Variants in CD70 observed in about 807,000 individuals in gnomAD.
CD70 encodes the protein CD70 antigen.
CD70 carries 6 observed loss-of-function variants against 9.0 expected under a neutral mutation model. That is an observed-to-expected ratio of 0.67 (90% CI 0.37 to 1.32). The LOEUF is 1.32. Ranked by LOEUF, CD70 falls within the 40% of genes most tolerant of loss-of-function variation. The pLI is 0.02. For synonymous variants in CD70, 108 were observed against 112.3 expected, an observed-to-expected ratio of 0.96 and a Z score of 0.24; for missense variants, 235 against 258.7, an observed-to-expected ratio of 0.91 and a Z score of 0.63.
chr19:6,582,807 A>G (rs12459293), downstream of CD70, among the ~76,000 whole-genome samples: 3,725 of 152,268 alleles, frequency 0.024, 153 homozygotes, highest in Admixed American at 0.12. Context: ...TATTGTGAAT[A>G]GTCAGGCAGT....
Position 6,590,017 on chromosome 19 carries a change from G to A in CD70, c.196+86C>T. The stretch of plus-strand genomic sequence containing the variant: ...TCTCTGTCTGTGTCTCTTTCTCTCT[G>A]TCTCTCCCCACTTGTCTTTCTACCT... On this transcript the variant is annotated intron_variant, in intron 2 of 2. Coordinates refer to ENST00000245903, the MANE Select transcript of CD70 (RefSeq NM_001252.5). The surrounding 1 kb of genome is among the most constrained non-coding windows in gnomAD (Gnocchi z 5.3). 1 of 1,054,606 alleles carries A rather than the reference G, an allele frequency of 9.5e-7. No individual in the cohort carries two copies. The highest frequency in any genetic ancestry group is 1.4e-6 in the Non-Finnish European group (1 of 704,076). The allele number at this position is 1,054,606 out of a possible 1,614,324, so 65.3% of individuals were successfully genotyped here.
chr19:6,583,570 T>G (rs1459391313), downstream of CD70: 1 of 402,876 alleles, frequency 2.5e-6, no homozygotes, highest in Non-Finnish European at 4.3e-6. Context: ...TTTTTTTTTT[T>G]TTTTTTTAAA....
rs1239080528 is a variant in CD70, at chr19:6,586,242, G to A, written c.360C>T (p.Ala120=). Residue 120 remains alanine (A), a synonymous_variant, in exon 3 of 3, where the codon GCC becomes GCT. Coordinates refer to ENST00000245903, the MANE Select transcript of CD70 (RefSeq NM_001252.5). The part of the protein sequence containing the change: ...VTLAICSSTT[A]SRHHPTTLAV... ...CCAGGGTGGTGGGGTGGTGCCTGGA[G>A]GCCGTCGTGGAGGAGCAGATGGCCA... 1 of 1,614,036 alleles carries A rather than the reference G, an allele frequency of 6.2e-7. No individual in the cohort carries two copies. The highest frequency in any genetic ancestry group is 8.5e-7 in the Non-Finnish European group (1 of 1,180,012).
At chr19:6,586,922 A>AAAAC (rs1555765965) in intron 2 of CD70, among the ~76,000 whole-genome samples, 4 of 140,354 alleles carry the variant, frequency 2.8e-5, no homozygotes, top group Admixed American at 7.1e-5. Context: ...AAAAAAAAAA[A>AAAAC]CAGAAACAGA....
chr19:6,585,888 T>C lies in CD70; in HGVS notation c.*132A>G. On this transcript the variant is annotated 3_prime_UTR_variant, in exon 3 of 3. Coordinates refer to ENST00000245903, the MANE Select transcript of CD70 (RefSeq NM_001252.5). ...AAATGAAAGAAAAAGCTCAATGCCT[T>C]CTCTTGTCCTGCCACCACTACCCCC... 1 of 620,768 alleles carries C rather than the reference T, an allele frequency of 1.6e-6. No individual in the cohort carries two copies. The highest frequency in any genetic ancestry group is 2.8e-6 in the Non-Finnish European group (1 of 360,276). 38.5% of individuals were successfully genotyped at this position (620,768 alleles called of 1,614,324 possible). A position where few individuals can be genotyped will look rare whatever the true frequency, so the allele number is the denominator to read the frequency against.
chr19:6,591,008 C>T lies in CD70; in HGVS notation c.-6G>A. On this transcript the variant is annotated 5_prime_UTR_variant, in exon 1 of 3. Coordinates refer to ENST00000245903, the MANE Select transcript of CD70 (RefSeq NM_001252.5). Reference sequence around the variant, plus strand: ...CCCGAACCCTCCTCCGGCATCGCCGCGGCGATCACCTCCGCTAGCGCAGGA... The same window carrying T: ...CCCGAACCCTCCTCCGGCATCGCCGTGGCGATCACCTCCGCTAGCGCAGGA... 1.3e-6 allele frequency: 2 copies of T among 1,587,874 alleles called. No homozygotes were observed. The highest frequency in any genetic ancestry group is 1.7e-6 in the Non-Finnish European group (2 of 1,164,096).
At chr19:6,584,830 C>T (rs1349311554), downstream of CD70, among the ~76,000 whole-genome samples, 6 of 152,038 alleles carry the variant, frequency 3.9e-5, no homozygotes, top group Non-Finnish European at 8.8e-5. Flanking sequence ...CATGCCACCG[C>T]ACTGCAGCCT....
chr19:6,590,009 TTC>T lies in CD70; in HGVS notation c.196+92_196+93del. Reference sequence around the variant, plus strand: ...TCCCTCCGTCTCTGTCTGTGTCTCTTTCTCTCTGTCTCTCCCCACTTGTCTTT... The same window carrying T: ...TCCCTCCGTCTCTGTCTGTGTCTCTTTCTCTGTCTCTCCCCACTTGTCTTT... On this transcript the variant is annotated intron_variant, in intron 2 of 2. Coordinates refer to ENST00000245903, the MANE Select transcript of CD70 (RefSeq NM_001252.5). The surrounding 1 kb of genome is among the most constrained non-coding windows in gnomAD (Gnocchi z 5.3). 3.9e-6 allele frequency: 4 copies of T among 1,026,370 alleles called. No individual in the cohort carries two copies. The highest frequency in any genetic ancestry group is 6.0e-6 in the Non-Finnish European group (4 of 669,790). The allele number at this position is 1,026,370 out of a possible 1,614,324, so 63.6% of individuals were successfully genotyped here.
At chr19:6,587,981 T>C (rs2145322089) in intron 2 of CD70, among the ~76,000 whole-genome samples, 1 of 152,292 alleles carries the variant, frequency 6.6e-6, no homozygotes, top group African/African-American at 2.4e-5. Flanking sequence ...CCCAAAGCGC[T>C]GGGATCACAG....
chr19:6,583,779 T>G (rs893568219), downstream of CD70, among the ~76,000 whole-genome samples: 1 of 137,844 alleles, frequency 7.3e-6, no homozygotes, highest in African/African-American at 2.6e-5. Context: ...GATTGGTAAC[T>G]GTGGTCTTGA....
chr19:6,590,331 G>A lies in CD70; in HGVS notation c.163-195C>T, dbSNP rs1450936349. Among the ~76,000 whole-genome samples the A allele has an allele frequency of 1.3e-5, 2 of 152,122 alleles. No homozygotes were observed. Reference sequence around the variant, plus strand: ...AAAGAGGAAGCAGGTCTGAACCAGCGGGGAACGTGAAGTCGAGACCTTCAA... The same window carrying A: ...AAAGAGGAAGCAGGTCTGAACCAGCAGGGAACGTGAAGTCGAGACCTTCAA... On this transcript the variant is annotated intron_variant, in intron 1 of 2. Transcript: ENST00000245903. This position sits in a 1 kb window ranked among gnomAD's most constrained non-coding sequence, Gnocchi z 5.3.
downstream of CD70, among the ~76,000 whole-genome samples, chr19:6,584,363 C>T (rs998595877): frequency 2.2e-4 from 33 of 151,008 alleles, no homozygotes; most frequent in African/African-American, 8.0e-4. Context: ...AAAAATTAGC[C>T]GGACGTGGTG....
chr19:6,591,068 A>T lies in CD70; in HGVS notation c.-66T>A. The T allele has an allele frequency of 6.6e-7, 1 of 1,505,454 alleles. No individual in the cohort carries two copies. The highest frequency in any genetic ancestry group is 8.9e-7 in the Non-Finnish European group (1 of 1,128,162). 93.3% of individuals were successfully genotyped at this position (1,505,454 alleles called of 1,614,324 possible). Reference sequence around the variant, plus strand: ...GGGGCGCGGAGCGCTGCCGAGAAGGAAGGAAGGAAACTGCAGCCCCCTCCC... The same window carrying T: ...GGGGCGCGGAGCGCTGCCGAGAAGGTAGGAAGGAAACTGCAGCCCCCTCCC... On this transcript the variant is annotated 5_prime_UTR_variant, in exon 1 of 3. Coordinates refer to ENST00000245903, the MANE Select transcript of CD70 (RefSeq NM_001252.5).
chr19:6,585,972 T>A lies in CD70; in HGVS notation c.*48A>T. On this transcript the variant is annotated 3_prime_UTR_variant, in exon 3 of 3. Transcript: ENST00000245903. Reference sequence around the variant, plus strand: ...TGTGTGTACACTTTTTCTCTTGAACTTAAATAAAATAAAATAAAATTTAAA... The same window carrying A: ...TGTGTGTACACTTTTTCTCTTGAACATAAATAAAATAAAATAAAATTTAAA... The A allele has an allele frequency of 6.9e-7, 1 of 1,442,424 alleles. No individual in the cohort carries two copies. Among genetic ancestry groups the A allele is most frequent in the South Asian group, 1.4e-5 (1 of 70,578 alleles). The allele number at this position is 1,442,424 out of a possible 1,614,324, so 89.4% of individuals were successfully genotyped here.
At position 6,590,896 on chromosome 19, in the gene CD70, A is replaced by G. The variant is rs760044216; in HGVS notation, c.107T>C (p.Val36Ala). The G allele has an allele frequency of 7.4e-6, 12 of 1,613,976 alleles. No individual in the cohort carries two copies. The highest frequency in any genetic ancestry group is 1.0e-5 in the Non-Finnish European group (12 of 1,180,010). Residue 36 changes from valine (V) to alanine (A), a missense_variant, in exon 1 of 3, where the codon GTG becomes GCG. Coordinates refer to ENST00000245903, the MANE Select transcript of CD70 (RefSeq NM_001252.5). This position sits in a 1 kb window ranked among gnomAD's most constrained non-coding sequence, Gnocchi z 5.3. ...LVAGLVICLV[V>A]CIQRFAQAQQ... ...AGCCTGTGCGAAGCGCTGGATGCAC[A>G]CCACGAGGCAGATCACCAAGCCCGC...
At position 6,586,922 on chromosome 19, in the gene CD70, A is replaced by AAC. The variant is rs1555765965; in HGVS notation, c.197-518_197-517insGT. On this transcript the variant is annotated intron_variant, in intron 2 of 2. Coordinates refer to ENST00000245903, the MANE Select transcript of CD70 (RefSeq NM_001252.5). ...AGAGACAAAAAAAAAAAAAAAAAAA[A>AAC]CAGAAACAGACAAGGGTAAAGATAG... Among the ~76,000 whole-genome samples, 1,315 of 140,414 alleles carry AAC rather than the reference A, an allele frequency of 9.4e-3. 14 individuals carry two copies. The highest frequency in any genetic ancestry group is 0.016 in the Non-Finnish European group (1,028 of 64,020). 92.1% of individuals were successfully genotyped at this position (140,414 alleles called of 152,430 possible). A position where few individuals can be genotyped will look rare whatever the true frequency, so the allele number is the denominator to read the frequency against.
chr19:6,588,264 G>A (rs1216558219), intron 2 of CD70, among the ~76,000 whole-genome samples: 1 of 152,214 alleles, frequency 6.6e-6, no homozygotes, highest in Non-Finnish European at 1.5e-5. Context: ...GAGCTGTCCT[G>A]TGAAAGACAC....
downstream of CD70, among the ~76,000 whole-genome samples, chr19:6,581,991 G>A (rs1447851934): frequency 1.3e-5 from 2 of 151,586 alleles, no homozygotes. Flanking sequence ...CGAAGGGGCT[G>A]AAGGTCCCCT....
intron 2 of CD70, among the ~76,000 whole-genome samples, chr19:6,586,902 C>CAAAAA (rs55803401): frequency 7.0e-4 from 60 of 85,276 alleles, no homozygotes; most frequent in Non-Finnish European, 8.2e-4. Context: ...GAGAGAGAGA[C>CAAAAA]AAAAAAAAAA....
Sources: gnomAD v4.1 joint callset for allele counts (sites outside exome capture counted in the v4.1 genomes callset) on GRCh38, gnomAD v4.1.1 for gene constraint, Gnocchi (gnomAD v3.1) non-coding constraint, MANE v1.5 for transcripts, NCBI Gene and HGNC (gene_info 2026-07-23, HGNC 2026-07-21) for gene names.